DMXL2: variants seen among roughly 807,000 people sequenced by gnomAD.
DMXL2 encodes Dmx like 2.
In DMXL2, 103 loss-of-function variants were observed where a neutral mutation model predicts 331.1. The ratio of observed to expected loss-of-function variants is 0.31; its 90% CI spans 0.27 to 0.37. DMXL2 has a LOEUF of 0.37. Ranked by LOEUF, DMXL2 falls within the 10% of genes least tolerant of loss-of-function variation. The pLI is 1.00. For missense variants in DMXL2, 3,171 were observed against 3,642.9 expected (o/e 0.87, Z 3.33); for synonymous variants, 1,281 against 1,252.1 (o/e 1.02, Z -0.49).
At chr15:51,460,774 C>T (rs967855350) in intron 33 of DMXL2, among the ~76,000 whole-genome samples, 1 of 152,000 alleles carries the variant, frequency 6.6e-6, no homozygotes, top group Non-Finnish European at 1.5e-5. Flanking sequence ...AGCCTAACGA[C>T]GAGTTTTTAT....
chr15:51,598,038 T>C (rs1249178740), intron 1 of DMXL2, among the ~76,000 whole-genome samples: 1 of 152,230 alleles, frequency 6.6e-6, no homozygotes. Context: ...CAAATATAGA[T>C]GTTGCAATTC....
intron 1 of DMXL2, among the ~76,000 whole-genome samples, chr15:51,592,596 AC>A (rs1461862078): frequency 6.6e-6 from 1 of 152,140 alleles, no homozygotes; most frequent in Non-Finnish European, 1.5e-5. Context: ...GACAAGAGCA[AC>A]TCCAAGACAC....
chr15:51,620,138 T>C (rs1275998094), intron 1 of DMXL2, among the ~76,000 whole-genome samples: 1 of 152,208 alleles, frequency 6.6e-6, no homozygotes, highest in Non-Finnish European at 1.5e-5. Context: ...GTTGATTATA[T>C]ATAGACTGCT....
chr15:51,581,325 C>T (rs905213510), intron 1 of DMXL2, among the ~76,000 whole-genome samples: 3 of 152,140 alleles, frequency 2.0e-5, no homozygotes, highest in Non-Finnish European at 4.4e-5. Flanking sequence ...CTCCTTCACC[C>T]CTCGCTGTAG....
intron 1 of DMXL2, among the ~76,000 whole-genome samples, chr15:51,590,802 T>A (rs576429864): frequency 6.6e-6 from 1 of 152,192 alleles, no homozygotes; most frequent in Non-Finnish European, 1.5e-5. Flanking sequence ...GGGCATAATG[T>A]GGTAGAAAAT....
intron 6 of DMXL2, among the ~76,000 whole-genome samples, chr15:51,556,355 G>GAAAAAAAAAAAAAAAAAAAAAAAA (rs59460472): frequency 8.4e-6 from 1 of 118,978 alleles, no homozygotes; most frequent in Non-Finnish European, 1.7e-5. Flanking sequence ...AAAAAAAAAA[G>GAAAAAAAAAAAAAAAAAAAAAAAA]AAAAAAAAAA....
chr15:51,570,903 T>C (rs4775951), intron 2 of DMXL2, among the ~76,000 whole-genome samples: 73,009 of 151,898 alleles, frequency 0.48, 17,861 homozygotes, highest in Non-Finnish European at 0.52. Flanking sequence ...CCAGCTAGCA[T>C]CATAATGACA....
chr15:51,480,494 C>T (rs1397016094), intron 24 of DMXL2, 48 bp downstream of exon 24: 1 of 1,471,956 alleles, frequency 6.8e-7, no homozygotes, highest in Non-Finnish European at 9.0e-7. Flanking sequence ...GGAAGAGCTA[C>T]TGAAATTACT....
At chr15:51,458,137 G>A (rs751839505) in intron 36 of DMXL2, 1 of 169,772 alleles carries the variant, frequency 5.9e-6, no homozygotes, top group Admixed American at 5.7e-5. Flanking sequence ...TTTAAGAAAA[G>A]GTATGCTTAT....
intron 19 of DMXL2, among the ~76,000 whole-genome samples, chr15:51,492,682 C>A (rs2042895877): frequency 6.6e-6 from 1 of 152,156 alleles, no homozygotes; most frequent in Admixed American, 6.5e-5. Flanking sequence ...GTGAACCACA[C>A]AGAATGGTAA....
At chr15:51,537,380 T>C in intron 11 of DMXL2, 108 bp downstream of exon 11, 1 of 1,275,438 alleles carries the variant, frequency 7.8e-7, no homozygotes, top group Non-Finnish European at 1.1e-6. Flanking sequence ...CAGATGCTTA[T>C]CAAAACCAAA....
intron 13 of DMXL2, among the ~76,000 whole-genome samples, chr15:51,523,738 C>T (rs951898932): frequency 7.2e-5 from 11 of 152,224 alleles, no homozygotes; most frequent in Admixed American, 2.0e-4. Context: ...GAAGGATCCT[C>T]CCCTTGAATA....
At chr15:51,554,800 A>C (rs1434225127) in intron 6 of DMXL2, among the ~76,000 whole-genome samples, 1 of 152,204 alleles carries the variant, frequency 6.6e-6, no homozygotes, top group Admixed American at 6.5e-5. Context: ...TTGGTAAATG[A>C]AATGGAAAAG....
intron 28 of DMXL2, 141 bp downstream of exon 28, chr15:51,474,199 TTTAA>T (rs1448227097): frequency 2.9e-6 from 2 of 685,956 alleles, no homozygotes; most frequent in African/African-American, 3.6e-5. Flanking sequence ...ATATCATGGG[TTTAA>T]TTATTTGCTG....
chr15:51,613,664 C>T (rs1254490513), intron 1 of DMXL2, among the ~76,000 whole-genome samples: 3 of 152,066 alleles, frequency 2.0e-5, no homozygotes, highest in Non-Finnish European at 4.4e-5. Flanking sequence ...ATTTTTTAAA[C>T]CAAAAAAATC....
Position 51,535,670 on chromosome 15 carries a change from T to G in DMXL2, c.2429A>C (p.Glu810Ala), listed in dbSNP as rs746615804. The G allele has an allele frequency of 6.3e-7, 1 of 1,595,944 alleles. No homozygotes were observed. Among genetic ancestry groups the G allele is most frequent in the South Asian group, 1.1e-5 (1 of 87,242 alleles). ...AGATTATTAAATACTTACTGAAGAT[T>G]CTGGGTCTGACAATTCATCTAATAA... Reference protein sequence around the residue: ...RKLLDELSDPESSKLIGEVFN... With the variant: ...RKLLDELSDPASSKLIGEVFN... The change falls in exon 13 of 44, where the codon GAA becomes GCA. Residue 810 changes from glutamate to alanine, a missense_variant. Glu to Ala is a moderately radical substitution (Grantham distance 107). This residue lies in a region of DMXL2 where 1,674 missense variants were observed against 1,780.2 expected (regional missense o/e 0.94). Transcript: ENST00000560891.
chr15:51,547,605 T>C (rs1054197983), intron 6 of DMXL2, among the ~76,000 whole-genome samples, 197 bp from the exon 7 acceptor site: 1 of 152,144 alleles, frequency 6.6e-6, no homozygotes, highest in South Asian at 2.1e-4. Context: ...CTATTCATTA[T>C]CAATCTTTTC....
At chr15:51,487,435 ATGC>A (rs879662430) in intron 22 of DMXL2, among the ~76,000 whole-genome samples, 1,741 of 152,274 alleles carry the variant, frequency 0.011, 27 homozygotes, top group East Asian at 0.025. Context: ...TAGTCTTGAA[ATGC>A]AATGTGCCAT....
rs560454278 is a variant in DMXL2 at position 51,610,523 on chromosome 15, C to T, written c.87+11936G>A. 7.9e-5 allele frequency among the ~76,000 whole-genome samples: 12 copies of T among 152,308 alleles called. No homozygotes were observed. In the South Asian group the frequency reaches 2.1e-3, roughly 26 times the overall value. Reference sequence around the variant, plus strand: ...GTGGCTCACGCCTGTAATCCCAGAACTTTGGGAGGCCGAGGCGGGCAGATC... The same window carrying T: ...GTGGCTCACGCCTGTAATCCCAGAATTTTGGGAGGCCGAGGCGGGCAGATC... On this transcript the variant is annotated intron_variant, in intron 1 of 43. Transcript: ENST00000560891.
Sources: gnomAD v4.1 joint callset for allele counts (sites outside exome capture counted in the v4.1 genomes callset) on GRCh38, gnomAD v4.1.1 for gene constraint, gnomAD v4.1.1 regional missense constraint, MANE v1.5 for transcripts, NCBI Gene and HGNC (gene_info 2026-07-23, HGNC 2026-07-21) for gene names.